The following DGLUCY variants were observed in gnomAD, a reference collection of about 807,000 sequenced individuals.
DGLUCY encodes D-glutamate cyclase.
DGLUCY carries 58 observed loss-of-function variants against 58.5 expected under a neutral mutation model. The ratio of observed to expected loss-of-function variants is 0.99; its 90% CI spans 0.80 to 1.23. The LOEUF (loss-of-function observed/expected upper bound fraction) is 1.23, where lower values mean the gene tolerates loss of function less well. DGLUCY is among the 50% of genes most tolerant of loss of function. DGLUCY has a pLI of 0.00. For missense variants in DGLUCY, 779 were observed against 784.7 expected (o/e 0.99, Z 0.09); for synonymous variants, 325 against 314.1 (o/e 1.03, Z -0.37).
At chr14:91,125,304 G>A (rs1204693830) in intron 1 of DGLUCY, among the ~76,000 whole-genome samples, 4 of 152,170 alleles carry the variant, frequency 2.6e-5, no homozygotes, top group Non-Finnish European at 2.9e-5. Flanking sequence ...TTTCAAACAC[G>A]TACTTGCTGC....
At chr14:91,077,703 G>T (rs950047261) in intron 1 of DGLUCY, among the ~76,000 whole-genome samples, 1 of 148,892 alleles carries the variant, frequency 6.7e-6, no homozygotes, top group Non-Finnish European at 1.5e-5. Flanking sequence ...AGTGAGCCAA[G>T]ATCTTGCCGC....
At chr14:91,072,232 G>A (rs1171979604) in intron 1 of DGLUCY, among the ~76,000 whole-genome samples, 2 of 151,742 alleles carry the variant, frequency 1.3e-5, no homozygotes, top group East Asian at 1.9e-4. Context: ...GCTGAGGCAC[G>A]AGAATCTCTT....
At chr14:91,203,058 G>T (rs1443927236) in intron 11 of DGLUCY, among the ~76,000 whole-genome samples, 3 of 152,236 alleles carry the variant, frequency 2.0e-5, no homozygotes, top group African/African-American at 7.2e-5. Context: ...TCCACTGACT[G>T]CCCAGGTACT....
chr14:91,180,054 T>C (rs1056260875), intron 7 of DGLUCY, among the ~76,000 whole-genome samples: 4 of 150,816 alleles, frequency 2.7e-5, no homozygotes, highest in African/African-American at 9.7e-5. Flanking sequence ...CAAGCTGGGC[T>C]AATTTTTGTA....
chr14:91,137,871 G>A (rs940997273), intron 1 of DGLUCY, among the ~76,000 whole-genome samples: 1 of 152,060 alleles, frequency 6.6e-6, no homozygotes, highest in Non-Finnish European at 1.5e-5. Flanking sequence ...CAGGAGAGAT[G>A]GAGACAGGAA....
Position 91,200,242 on chromosome 14 carries a change from A to C in DGLUCY, c.1444+337A>C, listed in dbSNP as rs570737268. Among the ~76,000 whole-genome samples, 155 of 152,286 alleles carry C rather than the reference A, an allele frequency of 1.0e-3. 1 individual carries two copies. The highest frequency in any genetic ancestry group is 3.6e-3 in the African/African-American group (150 of 41,570). On this transcript the variant is annotated intron_variant, in intron 11 of 13. Coordinates refer to ENST00000256324, the MANE Select transcript of DGLUCY (RefSeq NM_001102368.3). ...AGTGCTAGGATTACAGGCGTGAGCC[A>C]CTGTGCTCAGCCTAAGTGTGTTTTT...
intron 1 of DGLUCY, among the ~76,000 whole-genome samples, chr14:91,074,074 A>T (rs934765965): frequency 6.7e-6 from 1 of 148,214 alleles, no homozygotes; most frequent in Non-Finnish European, 1.5e-5. Flanking sequence ...TGGGCAACAT[A>T]ATGAGACCTC....
intron 1 of DGLUCY, among the ~76,000 whole-genome samples, chr14:91,093,292 A>G (rs1361123971): frequency 6.6e-6 from 1 of 152,144 alleles, no homozygotes; most frequent in Non-Finnish European, 1.5e-5. Context: ...GATGTGATGA[A>G]GTATCATTAT....
At chr14:91,122,671 C>T (rs1225619656) in intron 1 of DGLUCY, among the ~76,000 whole-genome samples, 10 of 133,688 alleles carry the variant, frequency 7.5e-5, no homozygotes, top group Admixed American at 1.8e-4. Context: ...GGCTCGATCT[C>T]GGCTTACTGC....
At chr14:91,121,415 G>A (rs1478615467) in intron 1 of DGLUCY, among the ~76,000 whole-genome samples, 3 of 152,034 alleles carry the variant, frequency 2.0e-5, no homozygotes, top group Non-Finnish European at 4.4e-5. Context: ...TTGGCTGGGC[G>A]CAGTGGCTCA....
chr14:91,074,114 T>TACACACACACACACACAC (rs1326685656), intron 1 of DGLUCY, among the ~76,000 whole-genome samples: 9 of 64,460 alleles, frequency 1.4e-4, no homozygotes, highest in Non-Finnish European at 2.5e-4. Flanking sequence ...AATATATATA[T>TACACACACACACACACAC]ATATACACAC....
At chr14:91,175,288 C>T (rs1317504809) in intron 6 of DGLUCY, among the ~76,000 whole-genome samples, 1 of 152,004 alleles carries the variant, frequency 6.6e-6, no homozygotes, top group Non-Finnish European at 1.5e-5. Flanking sequence ...CTGTGCAGGC[C>T]TCTTAGAAGG....
At chr14:91,100,055 C>CAAAAAA (rs781379842) in intron 1 of DGLUCY, among the ~76,000 whole-genome samples, 5 of 130,678 alleles carry the variant, frequency 3.8e-5, no homozygotes, top group African/African-American at 6.1e-5. Flanking sequence ...AACTCTGTCT[C>CAAAAAA]AAAAAAAAAA....
intron 1 of DGLUCY, among the ~76,000 whole-genome samples, chr14:91,151,654 T>C (rs903900716): frequency 5.3e-5 from 8 of 149,686 alleles, no homozygotes; most frequent in Non-Finnish European, 7.4e-5. Context: ...TTTTCTTTTC[T>C]TTTCTTTTTT....
At chr14:91,216,998 T>C (rs892091842) in intron 13 of DGLUCY, among the ~76,000 whole-genome samples, 4 of 152,312 alleles carry the variant, frequency 2.6e-5, no homozygotes, top group African/African-American at 9.6e-5. Context: ...TCCATGGCCC[T>C]CTTAGAGCAA....
In DGLUCY at chr14:91,210,150, G is replaced by A. The variant is rs56030763; in HGVS notation, c.1565-5255G>A. On this transcript the variant is annotated intron_variant, in intron 12 of 13. Transcript: ENST00000256324. ...CCATCTCTACAGGCAAATGCCTGTAGTCCCAGCTGTTCAGGAGGCTGAGGT... is the reference window on the plus strand; with the variant it reads ...CCATCTCTACAGGCAAATGCCTGTAATCCCAGCTGTTCAGGAGGCTGAGGT... 7.8e-3 allele frequency among the ~76,000 whole-genome samples: 1,188 copies of A among 152,262 alleles called. 11 individuals carry two copies. Among genetic ancestry groups the A allele is most frequent in the South Asian group, 0.024 (114 of 4,820 alleles).
At chr14:91,130,872 T>A (rs977083085) in intron 1 of DGLUCY, among the ~76,000 whole-genome samples, 1 of 152,204 alleles carries the variant, frequency 6.6e-6, no homozygotes, top group Non-Finnish European at 1.5e-5. Context: ...ATTTTTTTAA[T>A]GAAGGGGTGG....
Position 91,170,160 on chromosome 14 carries a change from A to G in DGLUCY, c.415A>G (p.Arg139Gly). ...GGCCTTGGAGAAAGCGGGGCTCCCC[A>G]GAAGAGACCCAGCAGGTCACAGCCA... Reference protein sequence around the residue: ...EEALEKAGLPRRDPAGHSQAG... With the variant: ...EEALEKAGLPGRDPAGHSQAG... The change falls in exon 5 of 14, where the codon AGA becomes GGA. Residue 139 changes from arginine to glycine, a missense_variant. Coordinates refer to ENST00000256324, the MANE Select transcript of DGLUCY (RefSeq NM_001102368.3). 6.2e-7 allele frequency: 1 copy of G among 1,613,748 alleles called. No individual in the cohort carries two copies. The highest frequency in any genetic ancestry group is 8.5e-7 in the Non-Finnish European group (1 of 1,180,034).
chr14:91,127,053 CTTTTTTTTTTTT>C (rs11407228), intron 1 of DGLUCY, among the ~76,000 whole-genome samples: 1 of 98,372 alleles, frequency 1.0e-5, no homozygotes, highest in Non-Finnish European at 1.9e-5. Flanking sequence ...TGATGATACT[CTTTTTTTTTTTT>C]TTTTTTTTTG....
Sources: allele counts gnomAD v4.1 joint callset (sites outside exome capture counted in the v4.1 genomes callset), GRCh38; gene constraint gnomAD v4.1.1; transcripts MANE v1.5; gene names NCBI Gene and HGNC (gene_info 2026-07-23, HGNC 2026-07-21).